Variants in ME3 observed in about 807,000 individuals in gnomAD.
The protein encoded by ME3 is NADP-dependent malic enzyme, mitochondrial.
A neutral mutation model predicts 68.9 loss-of-function variants in ME3; 48 were observed. The ratio of observed to expected loss-of-function variants is 0.70; its 90% CI spans 0.55 to 0.89. ME3 has a LOEUF of 0.89. ME3 is among the 40% of genes least tolerant of loss of function. The probability of loss-of-function intolerance (pLI) is 0.00; values close to 1 mark genes in which losing one functional copy is unlikely to be tolerated. For synonymous variants in ME3, 320 were observed against 318.8 expected, an observed-to-expected ratio of 1.00 and a Z score of -0.04; for missense variants, 675 against 797.4, an observed-to-expected ratio of 0.85 and a Z score of 1.85.
intron 2 of ME3, among the ~76,000 whole-genome samples, chr11:86,602,776 A>C (rs1005973318): frequency 6.6e-6 from 1 of 152,214 alleles, no homozygotes; most frequent in African/African-American, 2.4e-5. Flanking sequence ...AACAGAACAG[A>C]GCACTCAGAA....
intron 5 of ME3, among the ~76,000 whole-genome samples, chr11:86,507,972 G>A (rs1382532332): frequency 3.0e-5 from 2 of 65,788 alleles, no homozygotes; most frequent in Non-Finnish European, 7.0e-5. Context: ...GTGAGACTCT[G>A]TCTCAAAAAA....
intron 3 of ME3, 133 bp downstream of exon 3, chr11:86,559,557 G>A: frequency 1.8e-6 from 2 of 1,096,120 alleles, no homozygotes; most frequent in Non-Finnish European, 2.6e-6. Context: ...TAGAAGGTAG[G>A]GCTGAGTCTG....
chr11:86,671,874 C>G lies in ME3; in HGVS notation c.71G>C (p.Arg24Pro). ...TTGGGCGGGCGCGGTGGGTGTCCAG[C>G]GCGGGAGGGCGCCGCAGGCCCGGCC... is the stretch of plus-strand genomic sequence containing the variant. Residue 24 changes from arginine (R) to proline (P), a missense_variant, in exon 2 of 15, where the codon CGC (arginine) becomes CCC (proline). By Grantham distance (103) the Arg-to-Pro change is moderately radical. Coordinates refer to ENST00000543262, the Ensembl canonical transcript of ME3. The G allele has an allele frequency of 5.1e-6, 8 of 1,556,286 alleles. No homozygotes were observed. Among genetic ancestry groups the G allele is most frequent in the Non-Finnish European group, 6.9e-6 (8 of 1,157,818 alleles).
intron 2 of ME3, among the ~76,000 whole-genome samples, chr11:86,641,926 TA>T (rs1944696724): frequency 6.6e-6 from 1 of 152,206 alleles, no homozygotes; most frequent in African/African-American, 2.4e-5. Flanking sequence ...AATTGGCTGA[TA>T]GTGAGTCAAA....
chr11:86,511,035 C>G (rs1953484049), intron 4 of ME3, among the ~76,000 whole-genome samples: 1 of 152,168 alleles, frequency 6.6e-6, no homozygotes, highest in Admixed American at 6.6e-5. Context: ...TTTATACAAC[C>G]CGTTGCCAAG....
intron 4 of ME3, among the ~76,000 whole-genome samples, chr11:86,515,323 T>G (rs1162051759): frequency 6.6e-6 from 1 of 152,232 alleles, no homozygotes; most frequent in Non-Finnish European, 1.5e-5. Flanking sequence ...ATTGTCATAA[T>G]GCTCTTGCAA....
chr11:86,475,849 C>CTATATATAT (rs1951030711), intron 7 of ME3, among the ~76,000 whole-genome samples: 1 of 108,012 alleles, frequency 9.3e-6, no homozygotes, highest in African/African-American at 3.9e-5. Context: ...TCCTAATATT[C>CTATATATAT]AGTATATATA....
chr11:86,588,046 C>T (rs571188602), intron 2 of ME3, among the ~76,000 whole-genome samples: 1 of 152,312 alleles, frequency 6.6e-6, no homozygotes, highest in East Asian at 1.9e-4. Context: ...GAAGATCATA[C>T]AAAGTCCTTT....
intron 2 of ME3, among the ~76,000 whole-genome samples, chr11:86,618,926 G>A (rs967121418): frequency 3.3e-5 from 5 of 152,058 alleles, no homozygotes; most frequent in South Asian, 4.2e-4. Context: ...GGTCAGGCTC[G>A]TCTCAAACTC....
chr11:86,465,246 AG>A, intron 7 of ME3, 46 bp from the exon 8 acceptor site: 10 of 1,428,282 alleles, frequency 7.0e-6, no homozygotes, highest in Non-Finnish European at 9.9e-6. Flanking sequence ...TCTCTGAGGC[AG>A]ATCCCTGACA....
intron 4 of ME3, among the ~76,000 whole-genome samples, chr11:86,530,572 G>A (rs1390904929): frequency 6.6e-6 from 1 of 152,152 alleles, no homozygotes; most frequent in African/African-American, 2.4e-5. Context: ...CAAAGCTGGA[G>A]GCATCACGCT....
exon 11 of ME3, chr11:86,448,254 C>T (rs755313918): frequency 1.2e-5 from 19 of 1,612,066 alleles, no homozygotes; most frequent in South Asian, 4.4e-5. Context: ...GTGGCTCCTC[C>T]CCTACAGGAA....
intron 7 of ME3, among the ~76,000 whole-genome samples, chr11:86,475,851 G>GTATATA (rs68158647): frequency 2.2e-3 from 257 of 114,604 alleles, no homozygotes; most frequent in African/African-American, 2.6e-3. Context: ...CTAATATTCA[G>GTATATA]TATATATATA....
Position 86,656,351 on chromosome 11 carries a change from A to G in ME3, c.183+15411T>C, listed in dbSNP as rs565137869. Among the ~76,000 whole-genome samples the G allele has an allele frequency of 4.1e-3, 618 of 151,868 alleles. 1 individual carries two copies. Among genetic ancestry groups the G allele is most frequent in the African/African-American group, 0.014 (591 of 41,420 alleles). On this transcript the variant is annotated intron_variant, in intron 2 of 14. Coordinates refer to ENST00000543262, the Ensembl canonical transcript of ME3. ...ATAGCAAAGACTTGGAACCAACCCA[A>G]ATGTCCAACAATGATAGACTGGATT... is the stretch of plus-strand genomic sequence containing the variant.
At chr11:86,531,498 G>T (rs1439463902) in intron 4 of ME3, among the ~76,000 whole-genome samples, 1 of 152,096 alleles carries the variant, frequency 6.6e-6, no homozygotes, top group Admixed American at 6.6e-5. Flanking sequence ...CCCATTACTG[G>T]GTATATACCC....
At chr11:86,552,007 C>G (rs1956713552) in intron 4 of ME3, among the ~76,000 whole-genome samples, 1 of 152,182 alleles carries the variant, frequency 6.6e-6, no homozygotes, top group African/African-American at 2.4e-5. Context: ...TGTGGCGGTA[C>G]TTCAGAGGAC....
rs530412881 is a variant in ME3, at chr11:86,653,837, A to G, written c.183+17925T>C. The stretch of plus-strand genomic sequence containing the variant: ...TTTTTTGAAAAGATCAACAAAATTG[A>G]TAGACTGCTAGCAAGACTAATAAAG... On this transcript the variant is annotated intron_variant, in intron 2 of 14. Coordinates refer to ENST00000543262, the Ensembl canonical transcript of ME3. Among the ~76,000 whole-genome samples, 8 of 152,318 alleles carry G rather than the reference A, an allele frequency of 5.3e-5. No homozygotes were observed. The South Asian group carries it at 1.7e-3, about 32-fold the overall frequency.
intron 2 of ME3, among the ~76,000 whole-genome samples, chr11:86,600,388 AC>A (rs1165313602): frequency 2.0e-5 from 3 of 152,250 alleles, no homozygotes; most frequent in Non-Finnish European, 2.9e-5. Flanking sequence ...GATCAATTCA[AC>A]AAGAAGAGCT....
chr11:86,586,527 A>G (rs1958743458), intron 2 of ME3, among the ~76,000 whole-genome samples: 2 of 152,160 alleles, frequency 1.3e-5, no homozygotes, highest in African/African-American at 2.4e-5. Flanking sequence ...AAGCCAACAT[A>G]TTGATGCTGA....
Sources: allele counts gnomAD v4.1 joint callset (sites outside exome capture counted in the v4.1 genomes callset), GRCh38; gene constraint gnomAD v4.1.1; transcripts MANE v1.5; gene names NCBI Gene and HGNC (gene_info 2026-07-23, HGNC 2026-07-21).